Variants in KCNK9 observed in about 807,000 individuals in gnomAD.
KCNK9 encodes the protein potassium channel subfamily K member 9.
A neutral mutation model predicts 10.8 loss-of-function variants in KCNK9; 1 was observed. The observed-to-expected ratio is 0.09, with a 90% CI of 0.03 to 0.44. The LOEUF (loss-of-function observed/expected upper bound fraction) is 0.44. Among genes scored for constraint, KCNK9 ranks in the 20% least tolerant of loss-of-function variants. KCNK9 has a pLI of 0.97. For synonymous variants in KCNK9, 231 were observed against 222.7 expected, an observed-to-expected ratio of 1.04 and a Z score of -0.33; for missense variants, 303 against 515.0, an observed-to-expected ratio of 0.59 and a Z score of 3.98.
chr8:139,675,558 C>T (rs1816530126), intron 1 of KCNK9, among the ~76,000 whole-genome samples: 1 of 152,158 alleles, frequency 6.6e-6, no homozygotes, highest in Admixed American at 6.5e-5. Flanking sequence ...AGGGCCCCCA[C>T]CAGAACCCAG....
At chr8:139,655,473 G>A (rs956884444) in intron 1 of KCNK9, among the ~76,000 whole-genome samples, 1 of 152,192 alleles carries the variant, frequency 6.6e-6, no homozygotes, top group Non-Finnish European at 1.5e-5. Flanking sequence ...GGGGGAGGAA[G>A]GGGCATGGGA....
intron 1 of KCNK9, among the ~76,000 whole-genome samples, chr8:139,647,540 C>T (rs1051446563): frequency 3.3e-5 from 5 of 152,126 alleles, no homozygotes; most frequent in African/African-American, 4.8e-5. Context: ...TCCCCTGCAG[C>T]GACCCCTGTG....
At chr8:139,697,819 T>C (rs1817099737) in intron 1 of KCNK9, among the ~76,000 whole-genome samples, 1 of 152,130 alleles carries the variant, frequency 6.6e-6, no homozygotes, top group African/African-American at 2.4e-5. Flanking sequence ...CTTGGCTGTG[T>C]CCATGACATC....
downstream of KCNK9, among the ~76,000 whole-genome samples, chr8:139,609,293 A>C (rs1393775545): frequency 1.6e-5 from 2 of 123,892 alleles, no homozygotes; most frequent in Non-Finnish European, 3.2e-5. Context: ...GCCAGCGGGA[A>C]GAAACATCTT....
intron 1 of KCNK9, among the ~76,000 whole-genome samples, chr8:139,690,409 T>C (rs920482521): frequency 6.6e-6 from 1 of 152,214 alleles, no homozygotes; most frequent in Non-Finnish European, 1.5e-5. Flanking sequence ...GGTAAGAGAA[T>C]TGAGGTCACA....
intron 1 of KCNK9, among the ~76,000 whole-genome samples, chr8:139,635,108 T>A (rs1815299354): frequency 6.6e-6 from 1 of 152,244 alleles, no homozygotes; most frequent in African/African-American, 2.4e-5. Context: ...TTCTAGAGCC[T>A]GTTTTACTGC....
chr8:139,662,106 G>T (rs1004277524), intron 1 of KCNK9, among the ~76,000 whole-genome samples: 9 of 152,154 alleles, frequency 5.9e-5, no homozygotes, highest in Non-Finnish European at 8.8e-5. Flanking sequence ...GTGGTCAGGG[G>T]CCCACCTCTC....
chr8:139,605,698 A>G (rs1817470838), intron 2 of KCNK9, among the ~76,000 whole-genome samples: 1 of 152,240 alleles, frequency 6.6e-6, no homozygotes, highest in South Asian at 2.1e-4. Flanking sequence ...CACCACATTA[A>G]ATGATTTTTT....
chr8:139,676,497 C>T (rs979023641), intron 1 of KCNK9, among the ~76,000 whole-genome samples: 2 of 152,360 alleles, frequency 1.3e-5, no homozygotes, highest in African/African-American at 4.8e-5. Flanking sequence ...ATAGGGCTAC[C>T]TGGAAAATGA....
intron 1 of KCNK9, among the ~76,000 whole-genome samples, chr8:139,625,036 A>G (rs1468115532): frequency 6.6e-6 from 1 of 152,066 alleles, no homozygotes; most frequent in African/African-American, 2.4e-5. Context: ...GCACAATGAG[A>G]ATCAGCCCCC....
chr8:139,613,245 G>A (rs1327486825), downstream of KCNK9, among the ~76,000 whole-genome samples: 1 of 152,206 alleles, frequency 6.6e-6, no homozygotes, highest in African/African-American at 2.4e-5. Flanking sequence ...GAGGCTGGGG[G>A]TCTGGGCGAG....
At chr8:139,688,847 C>T (rs1816876508) in intron 1 of KCNK9, among the ~76,000 whole-genome samples, 1 of 152,200 alleles carries the variant, frequency 6.6e-6, no homozygotes. Flanking sequence ...GAACTAGGTG[C>T]TTTCATCTCC....
chr8:139,609,386 G>A (rs1269673061), downstream of KCNK9, among the ~76,000 whole-genome samples: 2 of 152,196 alleles, frequency 1.3e-5, no homozygotes, highest in African/African-American at 4.8e-5. Context: ...AAGGCCCTTT[G>A]CTGGGCCAAG....
chr8:139,608,011 G>A (rs1310712679), downstream of KCNK9, among the ~76,000 whole-genome samples: 1 of 152,220 alleles, frequency 6.6e-6, no homozygotes, highest in African/African-American at 2.4e-5. Context: ...CCCAGTGCCT[G>A]CTGGCTAGAA....
At chr8:139,688,767 A>C (rs1816875110) in intron 1 of KCNK9, among the ~76,000 whole-genome samples, 1 of 152,224 alleles carries the variant, frequency 6.6e-6, no homozygotes, top group Non-Finnish European at 1.5e-5. Flanking sequence ...TAGTAAGATA[A>C]ACTCAGATTC....
chr8:139,666,981 C>T (rs1816317092), intron 1 of KCNK9, among the ~76,000 whole-genome samples: 1 of 152,252 alleles, frequency 6.6e-6, no homozygotes, highest in African/African-American at 2.4e-5. Flanking sequence ...AGCATTGCCA[C>T]GGCTGCCTCT....
rs143720823 is a variant in KCNK9, at chr8:139,661,109, T to A, written c.283+41601A>T. 4.6e-4 allele frequency among the ~76,000 whole-genome samples: 70 copies of A among 152,300 alleles called. No individual in the cohort carries two copies. In the East Asian group the frequency reaches 0.013, roughly 28 times the overall value. On this transcript the variant is annotated intron_variant, in intron 1 of 1. Coordinates refer to ENST00000520439, the MANE Select transcript of KCNK9 (RefSeq NM_001282534.2). The stretch of plus-strand genomic sequence containing the variant: ...ATCAGGGCATCAGCTCTCCAGCCAC[T>A]CCCAGGCCAAAGTCACTGCAGTGGG...
intron 1 of KCNK9, among the ~76,000 whole-genome samples, chr8:139,686,317 C>A (rs567638646): frequency 6.6e-6 from 1 of 152,050 alleles, no homozygotes; most frequent in Non-Finnish European, 1.5e-5. Context: ...ATCATCAGAT[C>A]GAACAGGCAA....
intron 1 of KCNK9, among the ~76,000 whole-genome samples, chr8:139,640,164 C>G (rs1264347500): frequency 1.3e-5 from 2 of 152,234 alleles, no homozygotes; most frequent in African/African-American, 4.8e-5. Context: ...AATGCCCTGT[C>G]TCTACCCCAG....
Sources: allele counts gnomAD v4.1 joint callset (sites outside exome capture counted in the v4.1 genomes callset), GRCh38; gene constraint gnomAD v4.1.1; transcripts MANE v1.5; gene names NCBI Gene and HGNC (gene_info 2026-07-23, HGNC 2026-07-21).